Variants in CLIP2 observed in about 807,000 individuals in gnomAD.
CLIP2 encodes the protein CAP-Gly domain containing linker protein 2.
Under a neutral mutation model 111.7 loss-of-function variants are expected in CLIP2, and 41 were observed. The ratio of observed to expected loss-of-function variants is 0.37; its 90% CI spans 0.29 to 0.48. The LOEUF is 0.48. CLIP2 is among the 20% of genes least tolerant of loss of function. The probability of loss-of-function intolerance (pLI) is 0.99; values close to 1 mark genes in which losing one functional copy is unlikely to be tolerated. For missense variants in CLIP2, 1,160 were observed against 1,422.1 expected (o/e 0.82, Z 2.96); for synonymous variants, 660 against 644.2 (o/e 1.02, Z -0.37).
At chr7:74,348,733 T>C (rs1320443179) in intron 3 of CLIP2, among the ~76,000 whole-genome samples, 1 of 144,172 alleles carries the variant, frequency 6.9e-6, no homozygotes, top group East Asian at 2.0e-4. Context: ...GAGGTTGCAG[T>C]GAGCCGAGAT....
At chr7:74,389,530 G>C in intron 13 of CLIP2, 1 of 260,204 alleles carries the variant, frequency 3.8e-6, no homozygotes, top group Non-Finnish European at 7.1e-6. Context: ...GCTGAGGCAG[G>C]AGGATTGAGC....
At chr7:74,353,812 G>A in intron 3 of CLIP2, 68 bp from the exon 4 acceptor site, 2 of 1,609,414 alleles carry the variant, frequency 1.2e-6, no homozygotes, top group Non-Finnish European at 8.5e-7. Context: ...AGCCTGGGCT[G>A]GGTGCCCCTG....
At chr7:74,347,783 T>G (rs940024633) in intron 3 of CLIP2, among the ~76,000 whole-genome samples, 5 of 152,204 alleles carry the variant, frequency 3.3e-5, no homozygotes, top group Admixed American at 6.6e-5. Flanking sequence ...ATATTCATGT[T>G]GTATAAATAT....
At chr7:74,305,145 C>T (rs555206189) in intron 1 of CLIP2, among the ~76,000 whole-genome samples, 5 of 41,370 alleles carry the variant, frequency 1.2e-4, no homozygotes, top group South Asian at 9.4e-4. Flanking sequence ...TGTACACTTA[C>T]GTTCCCTGTC....
At chr7:74,290,059 C>G (rs1231548934) in intron 1 of CLIP2, among the ~76,000 whole-genome samples, 4 of 152,186 alleles carry the variant, frequency 2.6e-5, no homozygotes, top group African/African-American at 9.6e-5. Context: ...GGGGTTTGGC[C>G]CTTCTGTTGG....
intron 16 of CLIP2, among the ~76,000 whole-genome samples, chr7:74,402,262 G>A (rs782673226): frequency 2.6e-5 from 4 of 151,308 alleles, no homozygotes; most frequent in Non-Finnish European, 5.9e-5. Flanking sequence ...CCCGGAAGGC[G>A]GAGCTTGCAA....
At position 74,397,108 on chromosome 7, in the gene CLIP2, G is replaced by C. The variant is rs782600146; in HGVS notation, c.2755G>C (p.Ala919Pro). The change falls in exon 14 of 17, where the codon GCC becomes CCC. Residue 919 changes from alanine to proline, a missense_variant. Physicochemically the swap from Ala to Pro is conservative, Grantham distance 27 (BLOSUM62 -1). Transcript: ENST00000223398. ...LNELRVLLLE[A>P]NRHSPGPERD... Reference sequence around the variant, plus strand: ...CGAACTGCGGGTGTTGCTGCTGGAGGCCAATCGTCACTCCCCAGGGCCGGA... The same window carrying C: ...CGAACTGCGGGTGTTGCTGCTGGAGCCCAATCGTCACTCCCCAGGGCCGGA... 6.2e-7 allele frequency: 1 copy of C among 1,613,836 alleles called. No homozygotes were observed. The highest frequency in any genetic ancestry group is 1.3e-5 in the African/African-American group (1 of 74,958).
intron 1 of CLIP2, among the ~76,000 whole-genome samples, chr7:74,300,049 C>T (rs1045432250): frequency 4.0e-5 from 6 of 148,398 alleles, no homozygotes; most frequent in African/African-American, 1.2e-4. Flanking sequence ...TGCAGTGGCA[C>T]GATCTCAGCT....
chr7:74,308,779 G>A (rs1188779082), intron 1 of CLIP2, among the ~76,000 whole-genome samples: 1 of 151,956 alleles, frequency 6.6e-6, no homozygotes, highest in African/African-American at 2.4e-5. Context: ...ATGTGCTTAT[G>A]GGCTGTTTAT....
chr7:74,322,624 C>T (rs1584324616), intron 2 of CLIP2, among the ~76,000 whole-genome samples: 1 of 151,886 alleles, frequency 6.6e-6, no homozygotes, highest in African/African-American at 2.4e-5. Context: ...GACCAGGATG[C>T]ACCTCCTGGC....
Position 74,317,649 on chromosome 7 carries a change from G to T in CLIP2, c.103G>T (p.Ala35Ser), listed in dbSNP as rs1554729313. The T allele has an allele frequency of 1.3e-6, 2 of 1,506,414 alleles. No homozygotes were observed. The highest frequency in any genetic ancestry group is 4.0e-5 in the Admixed American group (2 of 49,398). The allele number at this position is 1,506,414 out of a possible 1,614,324, so 93.3% of individuals were successfully genotyped here. Reference sequence around the variant, plus strand: ...GTCAGCTTCATCCTCGGCGGCGGTGGCCGCTAGCTCCAAGGAAGGTACGTG... The same window carrying T: ...GTCAGCTTCATCCTCGGCGGCGGTGTCCGCTAGCTCCAAGGAAGGTACGTG... ...TGSASSSAAV[A>S]ASSKEGSPLH... is the part of the protein sequence containing the mutation. Residue 35 changes from alanine (A) to serine (S), a missense_variant, in exon 2 of 17, where the codon GCC (alanine) becomes TCC (serine). Transcript: ENST00000223398.
chr7:74,317,371 G>A, intron 1 of CLIP2, 109 bp from the exon 2 acceptor site: 1 of 676,016 alleles, frequency 1.5e-6, no homozygotes, highest in Non-Finnish European at 2.1e-6. Context: ...TAAATCGGGT[G>A]TTGCCTCGTC....
chr7:74,326,735 C>T (rs1399453509), intron 2 of CLIP2, among the ~76,000 whole-genome samples: 1 of 151,726 alleles, frequency 6.6e-6, no homozygotes, highest in African/African-American at 2.4e-5. Flanking sequence ...CTCCTGGGTT[C>T]CAGCGATTCT....
chr7:74,308,355 A>G (rs1266523017), intron 1 of CLIP2, among the ~76,000 whole-genome samples: 3 of 151,826 alleles, frequency 2.0e-5, no homozygotes, highest in Non-Finnish European at 4.4e-5. Flanking sequence ...CTGTGTGATG[A>G]CCTGTGGTGT....
At chr7:74,349,457 T>G (rs2116588585) in intron 3 of CLIP2, among the ~76,000 whole-genome samples, 3 of 48,714 alleles carry the variant, frequency 6.2e-5, no homozygotes, top group African/African-American at 6.7e-5. Flanking sequence ...AGTATGTATG[T>G]GTGTGTGTGT....
At chr7:74,390,175 AAGAAAG>A (rs1791248062) in intron 13 of CLIP2, among the ~76,000 whole-genome samples, 12 of 66,894 alleles carry the variant, frequency 1.8e-4, no homozygotes, top group African/African-American at 4.2e-4. Flanking sequence ...GAAAGAAAGA[AAGAAAG>A]AAAGAAAGAA....
chr7:74,294,984 A>G (rs1470357371), intron 1 of CLIP2, among the ~76,000 whole-genome samples: 1 of 152,042 alleles, frequency 6.6e-6, no homozygotes, highest in Non-Finnish European at 1.5e-5. Flanking sequence ...GTTTTGAGAC[A>G]GGGCCTGGCT....
In CLIP2 at chr7:74,380,810, T is replaced by C; in HGVS notation, c.2426T>C (p.Ile809Thr). 4.4e-6 allele frequency: 7 copies of C among 1,606,550 alleles called. No homozygotes were observed. Among genetic ancestry groups the C allele is most frequent in the South Asian group, 1.1e-5 (1 of 90,314 alleles). ...TTACAGGGGCTCTTTTTGCAGATGATTGAGTCGAATGACATTTCAGAGGAG... is the reference window on the plus strand; with the variant it reads ...TTACAGGGGCTCTTTTTGCAGATGACTGAGTCGAATGACATTTCAGAGGAG... ...ALCSSQHTHM[I>T]ESNDISEETI... Residue 809 changes from isoleucine (I) to threonine (T), a missense_variant, in exon 11 of 17, where the codon ATT becomes ACT. This residue lies in a region of CLIP2 where 676 missense variants were observed against 777.8 expected (regional missense o/e 0.87). Transcript: ENST00000223398.
At chr7:74,352,961 A>G (rs1554307835) in intron 3 of CLIP2, among the ~76,000 whole-genome samples, 1 of 152,074 alleles carries the variant, frequency 6.6e-6, no homozygotes, top group Admixed American at 6.6e-5. Context: ...AGCCTGGGCA[A>G]CATAGCAAGA....
Sources: gnomAD v4.1 joint callset for allele counts (sites outside exome capture counted in the v4.1 genomes callset) on GRCh38, gnomAD v4.1.1 for gene constraint, gnomAD v4.1.1 regional missense constraint, MANE v1.5 for transcripts, NCBI Gene and HGNC (gene_info 2026-07-23, HGNC 2026-07-21) for gene names.